ST7L: variants seen among roughly 807,000 people sequenced by gnomAD.
The protein encoded by ST7L is suppressor of tumorigenicity 7 protein-like.
ST7L carries 57 observed loss-of-function variants against 72.5 expected under a neutral mutation model. That is an observed-to-expected ratio of 0.79 (90% CI 0.64 to 0.98). The LOEUF (loss-of-function observed/expected upper bound fraction) is 0.98. Ranked by LOEUF, ST7L falls within the 50% of genes least tolerant of loss-of-function variation. The pLI, the probability that ST7L is intolerant of heterozygous loss-of-function variation, is 0.00. For synonymous variants in ST7L, 221 were observed against 240.9 expected (o/e 0.92, Z 0.77); for missense variants, 576 against 672.2 (o/e 0.86, Z 1.58).
At chr1:112,581,849 A>T (rs972377559) in intron 9 of ST7L, 143 bp downstream of exon 9, 1 of 635,982 alleles carries the variant, frequency 1.6e-6, no homozygotes, top group Non-Finnish European at 2.7e-6. Context: ...CTGATAAAGA[A>T]GATACTAAAT....
intron 1 of ST7L, among the ~76,000 whole-genome samples, chr1:112,617,708 T>TTC (rs71677646): frequency 0.02 from 2,398 of 117,704 alleles, 58 homozygotes; most frequent in African/African-American, 0.077. Flanking sequence ...CTGTCTGTCT[T>TTC]TCTCTCTCTC....
chr1:112,600,489 G>C (rs1283457181), intron 4 of ST7L, among the ~76,000 whole-genome samples: 1 of 152,032 alleles, frequency 6.6e-6, no homozygotes, highest in Non-Finnish European at 1.5e-5. Flanking sequence ...CCAGCTACTT[G>C]GGAGGCTGAG....
chr1:112,553,382 T>C (rs2101579632), intron 12 of ST7L, among the ~76,000 whole-genome samples: 1 of 152,270 alleles, frequency 6.6e-6, no homozygotes, highest in South Asian at 2.1e-4. Context: ...ACTTGGCTCA[T>C]CAATTTTATT....
In ST7L at chr1:112,534,001, T is replaced by C. The variant is rs1022674678; in HGVS notation, c.1630-7890A>G. Among the ~76,000 whole-genome samples, 20 of 152,182 alleles carry C rather than the reference T, an allele frequency of 1.3e-4. 1 individual carries two copies. Among genetic ancestry groups the C allele is most frequent in the Admixed American group, 5.2e-4 (8 of 15,278 alleles). ...AGCTTTCATTCTTTATTTTAAAGCA[T>C]TGGAGTTCATCAAACAGACTTAAAC... is the stretch of plus-strand genomic sequence containing the variant. On this transcript the variant is annotated intron_variant, in intron 14 of 14. Transcript: ENST00000358039.
chr1:112,611,712 T>C (rs571050512), intron 2 of ST7L, among the ~76,000 whole-genome samples: 1 of 152,034 alleles, frequency 6.6e-6, no homozygotes, highest in South Asian at 2.1e-4. Context: ...GGCCAAGAAG[T>C]CCCAAAAGAG....
intron 5 of ST7L, among the ~76,000 whole-genome samples, chr1:112,595,370 GAAAA>G (rs67553307): frequency 2.1e-4 from 11 of 52,024 alleles, no homozygotes; most frequent in Non-Finnish European, 3.6e-4. Context: ...GGTCTCAAAA[GAAAA>G]AAAAAAAAAA....
chr1:112,619,399 T>G, upstream of ST7L: 1 of 551,910 alleles, frequency 1.8e-6, no homozygotes, highest in Non-Finnish European at 3.2e-6. Context: ...AGGGTCACCT[T>G]TCACACCGCC....
intron 11 of ST7L, among the ~76,000 whole-genome samples, 158 bp from the exon 12 acceptor site, chr1:112,556,176 A>G (rs1659088562): frequency 6.6e-6 from 1 of 152,240 alleles, no homozygotes; most frequent in Admixed American, 6.5e-5. Context: ...TACTGATAAC[A>G]TGTATAAAAT....
chr1:112,616,534 G>C (rs1244882848), intron 2 of ST7L, among the ~76,000 whole-genome samples: 1 of 152,126 alleles, frequency 6.6e-6, no homozygotes, highest in Non-Finnish European at 1.5e-5. Flanking sequence ...CCTGAGGTCA[G>C]GAGTTGGAGA....
At chr1:112,554,151 A>G (rs1371185531) in intron 12 of ST7L, among the ~76,000 whole-genome samples, 1 of 152,182 alleles carries the variant, frequency 6.6e-6, no homozygotes, top group East Asian at 1.9e-4. Flanking sequence ...GTGAATAAGC[A>G]TTGAATTTAT....
chr1:112,546,564 GA>G (rs1039514583), intron 13 of ST7L, among the ~76,000 whole-genome samples: 14 of 152,120 alleles, frequency 9.2e-5, no homozygotes, highest in Non-Finnish European at 1.5e-5. Context: ...TGAAGGAAAG[GA>G]AAGTAAGAAT....
intron 11 of ST7L, among the ~76,000 whole-genome samples, chr1:112,566,478 T>C (rs1661077046): frequency 6.6e-6 from 1 of 151,850 alleles, no homozygotes; most frequent in Non-Finnish European, 1.5e-5. Flanking sequence ...TTTGTATTTT[T>C]AGTCGAGATG....
At position 112,600,863 on chromosome 1, in the gene ST7L, AGAAAAAGGGG is replaced by A. The variant is rs767798163; in HGVS notation, c.452-25_452-16del. On this transcript the variant is annotated splice_polypyrimidine_tract_variant and intron_variant, in intron 3 of 14. Coordinates refer to ENST00000358039, the MANE Select transcript of ST7L (RefSeq NM_017744.5). ...TACCTTACATTCTGAAAAACAAGGG[AGAAAAAGGGG>A]GAAAAAGAGACACTTTAAAATCTTC... The A allele has an allele frequency of 2.7e-5, 43 of 1,603,636 alleles. No homozygotes were observed. The African/African-American group carries it at 4.9e-4, about 18-fold the overall frequency.
intron 10 of ST7L, among the ~76,000 whole-genome samples, chr1:112,577,530 CAAAAAAAAAAAA>C (rs527682647): frequency 2.5e-4 from 6 of 24,102 alleles, no homozygotes; most frequent in East Asian, 2.1e-3. Flanking sequence ...AACTCTGTCT[CAAAAAAAAAAAA>C]AAAAAAAAAA....
Position 112,602,802 on chromosome 1 carries a change from G to A in ST7L, c.452-1954C>T, listed in dbSNP as rs907575358. Among the ~76,000 whole-genome samples, 5 of 143,012 alleles carry A rather than the reference G, an allele frequency of 3.5e-5. 1 individual carries two copies. The highest frequency in any genetic ancestry group is 1.3e-4 in the African/African-American group (5 of 38,358). The allele number at this position is 143,012 out of a possible 152,430, so 93.8% of individuals were successfully genotyped here. ...GCAATCTCCGTTCACTGCATGCTCC[G>A]CCTCCCAGGTTCACGCCATTCTCCT... On this transcript the variant is annotated intron_variant, in intron 3 of 14. Transcript: ENST00000358039.
At chr1:112,526,181 C>G in intron 14 of ST7L, 70 bp from the exon 15 acceptor site, 1 of 1,601,604 alleles carries the variant, frequency 6.2e-7, no homozygotes, top group Non-Finnish European at 8.5e-7. Flanking sequence ...GAGAGTATAT[C>G]TGAGCACAGT....
At position 112,618,939 on chromosome 1, in the gene ST7L, G is replaced by A; in HGVS notation, c.175C>T (p.Pro59Ser). 1.3e-6 allele frequency: 2 copies of A among 1,579,638 alleles called. No individual in the cohort carries two copies. The highest frequency in any genetic ancestry group is 1.7e-6 in the Non-Finnish European group (2 of 1,163,084). The change falls in exon 1 of 15, where the codon CCT becomes TCT. Residue 59 changes from proline to serine, a missense_variant. Coordinates refer to ENST00000358039, the MANE Select transcript of ST7L (RefSeq NM_017744.5). ...GCCAAATTCTCACACAGCCTCAAAG[G>A]GATCCTCAGGGCGTAAAGCAGCCCC... ...GLGLLYALRI[P>S]LRLCENLAAV...
chr1:112,540,893 T>A, intron 14 of ST7L: 1 of 1,245,440 alleles, frequency 8.0e-7, no homozygotes, highest in Non-Finnish European at 1.1e-6. Flanking sequence ...TGCAAAGATG[T>A]ACAAGAAAGA....
chr1:112,566,295 TTC>T (rs1470401433), intron 11 of ST7L, among the ~76,000 whole-genome samples: 3,878 of 68,448 alleles, frequency 0.057, 272 homozygotes, highest in African/African-American at 0.2. Flanking sequence ...TTTCTTCTTC[TTC>T]TTTTTTTTTT....
Sources: gnomAD v4.1 joint callset for allele counts (sites outside exome capture counted in the v4.1 genomes callset) on GRCh38, gnomAD v4.1.1 for gene constraint, MANE v1.5 for transcripts, NCBI Gene and HGNC (gene_info 2026-07-23, HGNC 2026-07-21) for gene names.